HTT: variants seen among roughly 807,000 people sequenced by gnomAD.
The protein encoded by HTT is huntington disease protein.
Under a neutral mutation model 362.3 loss-of-function variants are expected in HTT, and 104 were observed. The observed-to-expected ratio is 0.29, with a 90% CI of 0.24 to 0.34. The LOEUF (loss-of-function observed/expected upper bound fraction) is 0.34, where lower values mean the gene tolerates loss of function less well. Among genes scored for constraint, HTT ranks in the 10% least tolerant of loss-of-function variants. The probability of loss-of-function intolerance (pLI) is 1.00; values close to 1 mark genes in which losing one functional copy is unlikely to be tolerated. For synonymous variants in HTT, 1,577 were observed against 1,548.7 expected (o/e 1.02, Z -0.43); for missense variants, 3,301 against 3,928.6 (o/e 0.84, Z 4.27).
rs1176559670 is a variant in HTT at position 3,229,420 on chromosome 4, AG to A, written c.8109+412del. 2.0e-3 allele frequency among the ~76,000 whole-genome samples: 215 copies of A among 105,744 alleles called. 1 individual carries two copies. The highest frequency in any genetic ancestry group is 0.01 in the African/African-American group (204 of 19,736). The allele number at this position is 105,744 out of a possible 152,430, so 69.4% of individuals were successfully genotyped here. On this transcript the variant is annotated intron_variant, in intron 59 of 66. Transcript: ENST00000355072. ...CACACCACATGTATGTGCCACACACAGCACACAACCACACACATGCACCACA... is the reference window on the plus strand; with the variant it reads ...CACACCACATGTATGTGCCACACACACACACAACCACACACATGCACCACA...
At position 3,132,699 on chromosome 4, in the gene HTT, G is replaced by A. The variant is rs1310845369; in HGVS notation, c.2374G>A (p.Gly792Ser). The part of the protein sequence containing the change: ...RSRFHVGDWM[G>S]TIRTLTGNTF... ...CCGCTTCCACGTGGGAGATTGGATG[G>A]GCACCATTAGAACCCTCACAGGTAA... Residue 792 changes from glycine to serine, a missense_variant, in exon 17 of 67, where the codon GGC becomes AGC. Physicochemically the swap from Gly to Ser is moderately conservative, Grantham distance 56. Transcript: ENST00000355072. 1 of 1,614,050 alleles carries A rather than the reference G, an allele frequency of 6.2e-7. No homozygotes were observed. Among genetic ancestry groups the A allele is most frequent in the African/African-American group, 1.3e-5 (1 of 74,924 alleles).
intron 59 of HTT, among the ~76,000 whole-genome samples, chr4:3,229,211 A>G (rs1721082520): frequency 6.8e-6 from 1 of 146,430 alleles, no homozygotes; most frequent in Admixed American, 6.8e-5. Flanking sequence ...TGCACCATAC[A>G]CACAACACAC....
chr4:3,155,291 G>A (rs543682836), intron 27 of HTT, among the ~76,000 whole-genome samples: 3 of 151,400 alleles, frequency 2.0e-5, no homozygotes, highest in South Asian at 4.2e-4. Context: ...GTGCAATCTC[G>A]GCTCAGTGCA....
chr4:3,086,175 C>G (rs1713197921), intron 1 of HTT, among the ~76,000 whole-genome samples: 1 of 152,204 alleles, frequency 6.6e-6, no homozygotes. Context: ...AGTTTCTAAT[C>G]AAACTATACC....
At chr4:3,128,875 C>G (rs191594367) in intron 12 of HTT, 3 of 152,334 alleles carry the variant, frequency 2.0e-5, no homozygotes, top group Admixed American at 2.0e-4. Context: ...TACCACCCAT[C>G]TCTGTAACCT....
At chr4:3,113,046 C>G in intron 6 of HTT, 1 of 973,106 alleles carries the variant, frequency 1.0e-6, no homozygotes, top group East Asian at 1.1e-4. Context: ...TTGAAGTACT[C>G]TTACAGGTAT....
At chr4:3,176,021 GTTTGTTTTTT>G (rs1413928033) in intron 33 of HTT, among the ~76,000 whole-genome samples, 28 of 132,886 alleles carry the variant, frequency 2.1e-4, no homozygotes, top group African/African-American at 8.0e-4. Context: ...TGTTGTTGTT[GTTTGTTTTTT>G]TTTGTTTTTT....
At position 3,233,190 on chromosome 4, in the gene HTT, C is replaced by G; in HGVS notation, c.8293C>G (p.Arg2765Gly). 6.3e-7 allele frequency: 1 copy of G among 1,591,650 alleles called. No homozygotes were observed. Among genetic ancestry groups the G allele is most frequent in the Non-Finnish European group, 8.6e-7 (1 of 1,162,112 alleles). The change falls in exon 61 of 67, where the codon CGC (arginine) becomes GGC (glycine). Residue 2765 changes from arginine (R) to glycine (G), a missense_variant. By Grantham distance (125) the Arg-to-Gly change is moderately radical. This residue lies in a region of HTT where 753 missense variants were observed against 1,021.3 expected (regional missense o/e 0.74). Coordinates refer to ENST00000355072, the MANE Select transcript of HTT (RefSeq NM_001388492.1). Reference protein sequence around the residue: ...MDKAVAEPVSRLLESTLRSSH... With the variant: ...MDKAVAEPVSGLLESTLRSSH... ...CAAGGCCGTGGCGGAGCCTGTCAGC[C>G]GCCTGCTGGAGAGCACGCTCAGGAG...
chr4:3,211,601 T>G (rs1177946629), intron 47 of HTT, among the ~76,000 whole-genome samples: 1 of 152,212 alleles, frequency 6.6e-6, no homozygotes, highest in Non-Finnish European at 1.5e-5. Context: ...GGATGACACT[T>G]TAGCTTTGAT....
At chr4:3,153,547 A>G (rs554946064) in intron 26 of HTT, among the ~76,000 whole-genome samples, 1 of 152,200 alleles carries the variant, frequency 6.6e-6, no homozygotes, top group Non-Finnish European at 1.5e-5. Flanking sequence ...GTTGACTTCT[A>G]GCTTTGCTGG....
chr4:3,164,175 C>G (rs1323415844), intron 29 of HTT, among the ~76,000 whole-genome samples: 1 of 152,128 alleles, frequency 6.6e-6, no homozygotes, highest in African/African-American at 2.4e-5. Context: ...GCCTTCATTT[C>G]GTTATTTACC....
intron 21 of HTT, 81 bp downstream of exon 21, chr4:3,136,407 C>T: frequency 2.8e-6 from 2 of 705,590 alleles, no homozygotes; most frequent in South Asian, 3.6e-5. Context: ...GGGAAGAATT[C>T]AAAGGATGTA....
At chr4:3,195,588 C>T (rs996385203) in intron 40 of HTT, among the ~76,000 whole-genome samples, 7 of 152,228 alleles carry the variant, frequency 4.6e-5, no homozygotes, top group South Asian at 2.1e-4. Context: ...GAGGTTCCAC[C>T]GAGAAGCATC....
intron 29 of HTT, among the ~76,000 whole-genome samples, chr4:3,170,286 T>C (rs1269616681): frequency 5.3e-5 from 8 of 152,188 alleles, no homozygotes; most frequent in Non-Finnish European, 1.2e-4. Flanking sequence ...CAGTGCTTAG[T>C]TTAGGACTAA....
chr4:3,137,106 C>T (rs563895885), intron 21 of HTT, among the ~76,000 whole-genome samples: 102 of 151,888 alleles, frequency 6.7e-4, no homozygotes, highest in Admixed American at 1.4e-3. Context: ...CAGGGTTTCA[C>T]GATATTGGCC....
intron 1 of HTT, among the ~76,000 whole-genome samples, chr4:3,077,597 T>C (rs1218785099): frequency 1.3e-5 from 2 of 152,000 alleles, no homozygotes; most frequent in African/African-American, 4.8e-5. Context: ...TTTTTGTATT[T>C]TTAGTAGAGA....
chr4:3,237,255 G>T (rs1721581550), intron 64 of HTT, among the ~76,000 whole-genome samples: 1 of 152,082 alleles, frequency 6.6e-6, no homozygotes, highest in South Asian at 2.1e-4. Flanking sequence ...TGTGTTTTTA[G>T]TAGAGACGGG....
chr4:3,197,844 C>T (rs1168028872), intron 40 of HTT, among the ~76,000 whole-genome samples: 1 of 152,206 alleles, frequency 6.6e-6, no homozygotes, highest in East Asian at 1.9e-4. Context: ...AAAACCCCTA[C>T]ATCCCGGGTC....
intron 22 of HTT, 24 bp from the exon 23 acceptor site, chr4:3,142,742 A>C (rs750945271): frequency 2.4e-6 from 3 of 1,233,678 alleles, no homozygotes; most frequent in Non-Finnish European, 3.5e-6. Flanking sequence ...AGTGTATTTT[A>C]AGTCTCTATA....
Sources: gnomAD v4.1 joint callset for allele counts (sites outside exome capture counted in the v4.1 genomes callset) on GRCh38, gnomAD v4.1.1 for gene constraint, gnomAD v4.1.1 regional missense constraint, MANE v1.5 for transcripts, NCBI Gene and HGNC (gene_info 2026-07-23, HGNC 2026-07-21) for gene names.